The following KIAA1549L variants were observed in gnomAD, a reference collection of about 807,000 sequenced individuals.
KIAA1549L encodes KIAA1549 like.
KIAA1549L carries 88 observed loss-of-function variants against 160.7 expected under a neutral mutation model. The observed-to-expected ratio is 0.55, with a 90% CI of 0.46 to 0.65. The LOEUF (loss-of-function observed/expected upper bound fraction) is 0.65. KIAA1549L is among the 30% of genes least tolerant of loss of function. The pLI is 0.00. For synonymous variants in KIAA1549L, 950 were observed against 976.7 expected (o/e 0.97, Z 0.51); for missense variants, 2,258 against 2,437.5 (o/e 0.93, Z 1.55).
intron 1 of KIAA1549L, among the ~76,000 whole-genome samples, chr11:33,541,051 C>A: frequency 6.6e-6 from 1 of 152,166 alleles, no homozygotes; most frequent in East Asian, 1.9e-4. Context: ...TTCTAGCTTT[C>A]CAAGAGTTGT....
At chr11:33,410,864 A>G (rs544715727) in intron 1 of KIAA1549L, among the ~76,000 whole-genome samples, 1 of 152,362 alleles carries the variant, frequency 6.6e-6, no homozygotes, top group South Asian at 2.1e-4. Context: ...GGAGAGAGCT[A>G]AGGCATTTGG....
intron 1 of KIAA1549L, among the ~76,000 whole-genome samples, chr11:33,451,926 C>T (rs1001119652): frequency 1.3e-5 from 2 of 152,170 alleles, no homozygotes. Context: ...ACCTCAAACT[C>T]TCTCACAATA....
At chr11:33,401,509 G>A (rs543648630) in intron 1 of KIAA1549L, among the ~76,000 whole-genome samples, 70 of 151,296 alleles carry the variant, frequency 4.6e-4, no homozygotes, top group Admixed American at 7.9e-4. Context: ...GATGGCTTTT[G>A]TGGTACCTTT....
chr11:33,394,391 TAATAAATA>T (rs34927211), intron 1 of KIAA1549L, among the ~76,000 whole-genome samples: 6,248 of 103,148 alleles, frequency 0.061, 325 homozygotes, highest in South Asian at 0.24. Flanking sequence ...AACTCATAAA[TAATAAATA>T]AATAAATAAA....
At chr11:33,455,415 A>T (rs1851802609) in intron 1 of KIAA1549L, among the ~76,000 whole-genome samples, 1 of 152,212 alleles carries the variant, frequency 6.6e-6, no homozygotes, top group African/African-American at 2.4e-5. Context: ...ACTTTTGGAC[A>T]TTAAAGCTTT....
intron 1 of KIAA1549L, among the ~76,000 whole-genome samples, chr11:33,424,232 T>C (rs1195153283): frequency 6.6e-6 from 1 of 152,198 alleles, no homozygotes; most frequent in Non-Finnish European, 1.5e-5. Flanking sequence ...ATTGACTTTC[T>C]GGGCCAGAGA....
rs1852603147 is a variant in KIAA1549L, at chr11:33,669,588, T to C, written c.*1434T>C. The C allele has an allele frequency of 1.3e-5, 2 of 152,276 alleles. No homozygotes were observed. Among genetic ancestry groups the C allele is most frequent in the African/African-American group, 4.8e-5 (2 of 41,460 alleles). 9.4% of individuals were successfully genotyped at this position (152,276 alleles called of 1,614,324 possible). On this transcript the variant is annotated 3_prime_UTR_variant, in exon 21 of 21. Coordinates refer to ENST00000658780, the MANE Select transcript of KIAA1549L (RefSeq NM_012194.3). ...CCCATGACCCATCTAGCTTCAGCTG[T>C]ATCCATTTTCTTCTGAGCCCATCTT...
chr11:33,466,776 T>C (rs551428016), intron 1 of KIAA1549L, among the ~76,000 whole-genome samples: 1 of 152,266 alleles, frequency 6.6e-6, no homozygotes, highest in East Asian at 1.9e-4. Flanking sequence ...CACTATGGAA[T>C]ACTATGCAGC....
chr11:33,601,841 G>A (rs1450653641), intron 13 of KIAA1549L, among the ~76,000 whole-genome samples: 2 of 152,168 alleles, frequency 1.3e-5, no homozygotes, highest in Non-Finnish European at 2.9e-5. Flanking sequence ...GGTCCTTATA[G>A]CTCAATGGCC....
chr11:33,647,441 AT>A, intron 17 of KIAA1549L, among the ~76,000 whole-genome samples: 1 of 149,922 alleles, frequency 6.7e-6, no homozygotes, highest in Non-Finnish European at 1.5e-5. Flanking sequence ...TTACATTTCC[AT>A]ATTTGAAAAA....
At chr11:33,585,188 G>A (rs940476705) in intron 11 of KIAA1549L, among the ~76,000 whole-genome samples, 1 of 152,186 alleles carries the variant, frequency 6.6e-6, no homozygotes, top group African/African-American at 2.4e-5. Context: ...TGTACATTGG[G>A]AATTGCCCAA....
rs777045137 is a variant in KIAA1549L at position 33,667,873 on chromosome 11, G to C, written c.6160G>C (p.Val2054Leu). The C allele has an allele frequency of 5.0e-6, 8 of 1,607,994 alleles. No individual in the cohort carries two copies. The Middle Eastern group carries it at 6.6e-4, about 133-fold the overall frequency. ...CCTTCTCTCCCCACGCCCTCTGCAGGTGCCCCTCCCAGGGTACATCGAGGC... is the reference window on the plus strand; with the variant it reads ...CCTTCTCTCCCCACGCCCTCTGCAGCTGCCCCTCCCAGGGTACATCGAGGC... The part of the protein sequence containing the change: ...NELPSQWADS[V>L]PLPGYIEAYP... The change falls in exon 21 of 21, where the codon GTG (valine) becomes CTG (leucine). Residue 2054 changes from valine (V) to leucine (L), a missense_variant and splice_region_variant. Coordinates refer to ENST00000658780, the MANE Select transcript of KIAA1549L (RefSeq NM_012194.3).
At position 33,583,321 on chromosome 11, in the gene KIAA1549L, C is replaced by A; in HGVS notation, c.4403-17C>A. ...AGTGTTGCTTGTCATGTCCCTCCTG[C>A]TGGCTCTTTCCCACAGCCGTGGTGA... On this transcript the variant is annotated splice_polypyrimidine_tract_variant and intron_variant, in intron 10 of 20. Transcript: ENST00000658780. The A allele has an allele frequency of 6.3e-7, 1 of 1,591,714 alleles. No individual in the cohort carries two copies. Among genetic ancestry groups the A allele is most frequent in the Non-Finnish European group, 8.6e-7 (1 of 1,168,832 alleles).
At chr11:33,565,611 T>C (rs542440113) in intron 8 of KIAA1549L, among the ~76,000 whole-genome samples, 1 of 152,058 alleles carries the variant, frequency 6.6e-6, no homozygotes, top group South Asian at 2.1e-4. Flanking sequence ...CACATTCTCT[T>C]TGCAAAGAGT....
intron 1 of KIAA1549L, among the ~76,000 whole-genome samples, chr11:33,424,584 C>T (rs1334506671): frequency 6.6e-6 from 1 of 152,126 alleles, no homozygotes; most frequent in Non-Finnish European, 1.5e-5. Flanking sequence ...ACTGATGTCA[C>T]CACTTACAAA....
chr11:33,593,926 A>G (rs1349944837), intron 12 of KIAA1549L, among the ~76,000 whole-genome samples: 1 of 152,160 alleles, frequency 6.6e-6, no homozygotes, highest in Non-Finnish European at 1.5e-5. Flanking sequence ...GAGAGTACAG[A>G]TAGAGAAAAG....
intron 1 of KIAA1549L, among the ~76,000 whole-genome samples, chr11:33,410,985 G>A (rs1277495990): frequency 6.7e-6 from 1 of 150,358 alleles, no homozygotes; most frequent in East Asian, 1.9e-4. Flanking sequence ...GCCACACAAG[G>A]ACCAGTTTAG....
intron 16 of KIAA1549L, among the ~76,000 whole-genome samples, chr11:33,635,878 A>T (rs1851423924): frequency 6.6e-6 from 1 of 152,234 alleles, no homozygotes; most frequent in Admixed American, 6.5e-5. Context: ...CATGGGGCTT[A>T]TCCAGTAGTC....
At chr11:33,449,832 C>G (rs1851684167) in intron 1 of KIAA1549L, among the ~76,000 whole-genome samples, 1 of 152,142 alleles carries the variant, frequency 6.6e-6, no homozygotes, top group African/African-American at 2.4e-5. Context: ...CAGTTTTGAG[C>G]AAAAATAAGA....
Sources: gnomAD v4.1 joint callset for allele counts (sites outside exome capture counted in the v4.1 genomes callset) on GRCh38, gnomAD v4.1.1 for gene constraint, MANE v1.5 for transcripts, NCBI Gene and HGNC (gene_info 2026-07-23, HGNC 2026-07-21) for gene names.